LY86: variants seen among roughly 807,000 people sequenced by gnomAD.
LY86 encodes MD-1, RP105-associated.
LY86 carries 20 observed loss-of-function variants against 17.3 expected under a neutral mutation model. That is an observed-to-expected ratio of 1.15 (90% CI 0.81 to 1.68). LY86 has a LOEUF of 1.68. LY86 is among the 40% of genes most tolerant of loss of function. The pLI, the probability that LY86 is intolerant of heterozygous loss-of-function variation, is 0.00. For synonymous variants in LY86, 74 were observed against 70.6 expected, an observed-to-expected ratio of 1.05 and a Z score of -0.24; for missense variants, 200 against 191.9, an observed-to-expected ratio of 1.04 and a Z score of -0.25.
intron 1 of LY86, among the ~76,000 whole-genome samples, chr6:6,607,708 T>C (rs1388606975): frequency 3.3e-5 from 5 of 152,186 alleles, no homozygotes; most frequent in Non-Finnish European, 5.9e-5. Flanking sequence ...AAGATCAGCC[T>C]GGCCAACATG....
chr6:6,650,789 C>G (rs1762176605), intron 4 of LY86, among the ~76,000 whole-genome samples: 1 of 152,056 alleles, frequency 6.6e-6, no homozygotes, highest in South Asian at 2.1e-4. Flanking sequence ...CTATAGTCAC[C>G]CTACTCTGCT....
At chr6:6,625,199 ACT>A (rs1761764749) in intron 2 of LY86, among the ~76,000 whole-genome samples, 187 bp downstream of exon 2, 1 of 152,070 alleles carries the variant, frequency 6.6e-6, no homozygotes. Flanking sequence ...GTAGGGTAGA[ACT>A]CTCACTTAAA....
intron 1 of LY86, among the ~76,000 whole-genome samples, chr6:6,614,374 TC>T (rs1257635744): frequency 2.5e-5 from 3 of 120,702 alleles, no homozygotes; most frequent in African/African-American, 9.9e-5. Context: ...TATAATCACG[TC>T]TCTTTTTTTT....
In LY86 at chr6:6,596,054, C is replaced by T. The variant is rs147494813; in HGVS notation, c.136+7184C>T. ...GTCCACCTCTGCCTAAATAGGCTTC[C>T]CATGCTGCTGATGTTTGCTACAGGG... On this transcript the variant is annotated intron_variant, in intron 1 of 4. Transcript: ENST00000230568. Among the ~76,000 whole-genome samples the T allele has an allele frequency of 9.0e-3, 1,373 of 152,284 alleles. 18 individuals carry two copies. Among genetic ancestry groups the T allele is most frequent in the Admixed American group, 0.016 (243 of 15,298 alleles).
intron 3 of LY86, among the ~76,000 whole-genome samples, chr6:6,628,121 A>C (rs1237385420): frequency 1.3e-5 from 2 of 152,060 alleles, no homozygotes; most frequent in African/African-American, 4.8e-5. Flanking sequence ...CTGATTAATC[A>C]AGTACGTTCA....
rs200643895 is a variant in LY86, at chr6:6,640,394, GA to G, written c.353-9224del. On this transcript the variant is annotated intron_variant, in intron 3 of 4. Coordinates refer to ENST00000230568, the MANE Select transcript of LY86 (RefSeq NM_004271.4). ...GCAACATAGAGAAACCCCATCTCTG[GA>G]AAAAAATAAAAATAAAAAAAAAAGG... Among the ~76,000 whole-genome samples, 106 of 149,318 alleles carry G rather than the reference GA, an allele frequency of 7.1e-4. 2 individuals are homozygous for G. In the East Asian group the frequency reaches 0.018, roughly 25 times the overall value.
chr6:6,625,428 T>C (rs1300025422), intron 2 of LY86, among the ~76,000 whole-genome samples: 1 of 152,266 alleles, frequency 6.6e-6, no homozygotes, highest in African/African-American at 2.4e-5. Context: ...AAATAGTTAA[T>C]ACAAATTCTT....
chr6:6,647,968 TACACACACACACACACACACACAC>T (rs57233850), intron 3 of LY86, among the ~76,000 whole-genome samples: 1 of 144,696 alleles, frequency 6.9e-6, no homozygotes, highest in East Asian at 2.1e-4. Flanking sequence ...AATCATCACA[TACACACACACACACACACACACAC>T]ACACACACAC....
intron 2 of LY86, 152 bp from the exon 3 acceptor site, chr6:6,626,141 G>A: frequency 1.4e-6 from 1 of 722,132 alleles, no homozygotes; most frequent in South Asian, 2.0e-5. Flanking sequence ...CCTAAATGCT[G>A]TTTTACCAAG....
intron 1 of LY86, among the ~76,000 whole-genome samples, chr6:6,607,947 A>C (rs1213377500): frequency 4.6e-5 from 7 of 152,214 alleles, no homozygotes; most frequent in African/African-American, 1.7e-4. Flanking sequence ...ATAGATATAA[A>C]TGGACTATAT....
At position 6,613,307 on chromosome 6, in the gene LY86, C is replaced by T. The variant is rs375132014; in HGVS notation, c.137-11619C>T. Among the ~76,000 whole-genome samples the T allele has an allele frequency of 1.5e-3, 227 of 152,340 alleles. 1 individual carries two copies. Among genetic ancestry groups the T allele is most frequent in the African/African-American group, 4.4e-3 (182 of 41,582 alleles). Reference sequence around the variant, plus strand: ...CTCAGCCCTTGTGCAGTCTAGGGGACGGAGCGCTATGGAGCAGGGTGGCGC... The same window carrying T: ...CTCAGCCCTTGTGCAGTCTAGGGGATGGAGCGCTATGGAGCAGGGTGGCGC... On this transcript the variant is annotated intron_variant, in intron 1 of 4. Coordinates refer to ENST00000230568, the MANE Select transcript of LY86 (RefSeq NM_004271.4).
At chr6:6,631,043 G>A (rs760090309) in intron 3 of LY86, among the ~76,000 whole-genome samples, 4 of 152,076 alleles carry the variant, frequency 2.6e-5, no homozygotes, top group Admixed American at 6.5e-5. Flanking sequence ...CTTTTAAAAT[G>A]TGGCTCCTAG....
chr6:6,607,500 A>G (rs1347387163), intron 1 of LY86, among the ~76,000 whole-genome samples: 2 of 152,250 alleles, frequency 1.3e-5, no homozygotes, highest in African/African-American at 4.8e-5. Context: ...AATAAAAACA[A>G]AAGAAAAAAT....
chr6:6,640,938 G>T (rs2113156643), intron 3 of LY86, among the ~76,000 whole-genome samples: 1 of 152,296 alleles, frequency 6.6e-6, no homozygotes, highest in Admixed American at 6.5e-5. Context: ...AATCTCACAT[G>T]CCTCGTCAAA....
At position 6,613,488 on chromosome 6, in the gene LY86, C is replaced by T. The variant is rs557704110; in HGVS notation, c.137-11438C>T. ...AAATCGAGCACAGCAGCTGCTGGCC[C>T]AGGTGCTAAGCTCCTCACTGCCCGG... On this transcript the variant is annotated intron_variant, in intron 1 of 4. Transcript: ENST00000230568. 2.1e-4 allele frequency among the ~76,000 whole-genome samples: 32 copies of T among 152,298 alleles called. No individual in the cohort carries two copies. The East Asian group carries it at 4.2e-3, about 20-fold the overall frequency.
intron 4 of LY86, among the ~76,000 whole-genome samples, chr6:6,651,580 T>C (rs751480927): frequency 5.1e-4 from 77 of 152,214 alleles, no homozygotes; most frequent in Non-Finnish European, 1.0e-3. Context: ...ATCTTTGCTA[T>C]TTGAATTGTT....
At chr6:6,640,386 C>T (rs942088451) in intron 3 of LY86, among the ~76,000 whole-genome samples, 23 of 151,236 alleles carry the variant, frequency 1.5e-4, no homozygotes, top group African/African-American at 5.6e-4. Flanking sequence ...AGAGAAACCC[C>T]ATCTCTGGAA....
chr6:6,605,571 A>G (rs1358261034), intron 1 of LY86, among the ~76,000 whole-genome samples: 6 of 152,252 alleles, frequency 3.9e-5, no homozygotes, highest in Admixed American at 2.0e-4. Flanking sequence ...GGAGTGGGAG[A>G]AAGCGCATGA....
chr6:6,605,970 AAG>A (rs1309476436), intron 1 of LY86, among the ~76,000 whole-genome samples: 1 of 146,412 alleles, frequency 6.8e-6, no homozygotes, highest in Admixed American at 6.7e-5. Context: ...CGTGGACCCA[AAG>A]AGCGACCACC....
Sources: gnomAD v4.1 joint callset for allele counts (sites outside exome capture counted in the v4.1 genomes callset) on GRCh38, gnomAD v4.1.1 for gene constraint, MANE v1.5 for transcripts, NCBI Gene and HGNC (gene_info 2026-07-23, HGNC 2026-07-21) for gene names.